The following MCF2L2 variants were observed in gnomAD, a reference collection of about 807,000 sequenced individuals.
MCF2L2 encodes MCF.2 cell line derived transforming sequence-like 2.
Under a neutral mutation model 150.2 loss-of-function variants are expected in MCF2L2, and 102 were observed. That is an observed-to-expected ratio of 0.68 (90% confidence interval 0.58 to 0.80). The LOEUF (loss-of-function observed/expected upper bound fraction) is 0.80. Among genes scored for constraint, MCF2L2 ranks in the 30% least tolerant of loss-of-function variants. The pLI is 0.00. For missense variants in MCF2L2, 1,256 were observed against 1,372.8 expected, an observed-to-expected ratio of 0.91 and a Z score of 1.34; for synonymous variants, 465 against 491.3, an observed-to-expected ratio of 0.95 and a Z score of 0.71.
chr3:183,267,878 G>A lies in MCF2L2; in HGVS notation c.1862+8994C>T, dbSNP rs1402468994. Among the ~76,000 whole-genome samples the A allele has an allele frequency of 1.3e-5, 2 of 152,170 alleles. No individual in the cohort carries two copies. The highest frequency in any genetic ancestry group is 2.4e-5 in the African/African-American group (1 of 41,436). ...CAGTAACCATCACTTTGAGTAAACA[G>A]TGGCTCCACCCCCGGCATGGTTCTT... On this transcript the variant is annotated intron_variant, in intron 15 of 29. Coordinates refer to ENST00000328913, the MANE Select transcript of MCF2L2 (RefSeq NM_015078.4). The surrounding 1 kb of genome is among the most constrained non-coding windows in gnomAD (Gnocchi z 5.5).
chr3:183,186,082 T>C (rs895734757), intron 27 of MCF2L2, among the ~76,000 whole-genome samples: 4 of 152,018 alleles, frequency 2.6e-5, no homozygotes, highest in Non-Finnish European at 5.9e-5. Context: ...TGCCCTCAAA[T>C]GTTCTGGATT....
intron 20 of MCF2L2, among the ~76,000 whole-genome samples, chr3:183,220,874 A>G (rs913884989): frequency 6.6e-5 from 10 of 152,350 alleles, no homozygotes; most frequent in African/African-American, 2.4e-4. Flanking sequence ...CCAAGAGCAC[A>G]TGATTCATTA....
intron 10 of MCF2L2, among the ~76,000 whole-genome samples, chr3:183,304,914 G>A (rs750897027): frequency 1.3e-5 from 2 of 152,128 alleles, no homozygotes; most frequent in African/African-American, 2.4e-5. Flanking sequence ...CTCAGCTACC[G>A]CAGACTGAAC....
intron 7 of MCF2L2, 67 bp downstream of exon 7, chr3:183,318,001 T>C: frequency 6.4e-7 from 1 of 1,566,156 alleles, no homozygotes; most frequent in Non-Finnish European, 8.7e-7. Flanking sequence ...TGCTTCCAGC[T>C]CTCTCCGAGA....
At chr3:183,346,199 T>G (rs926097468) in intron 3 of MCF2L2, among the ~76,000 whole-genome samples, 2 of 152,156 alleles carry the variant, frequency 1.3e-5, no homozygotes. Flanking sequence ...GAATCCAGCA[T>G]CACATCAAAA....
At chr3:183,221,588 G>A (rs1224313334) in intron 20 of MCF2L2, among the ~76,000 whole-genome samples, 2 of 152,142 alleles carry the variant, frequency 1.3e-5, no homozygotes, top group East Asian at 1.9e-4. Flanking sequence ...TGGAACCTAG[G>A]CTGAGGGAGG....
intron 22 of MCF2L2, among the ~76,000 whole-genome samples, chr3:183,208,651 T>C (rs1167340265): frequency 1.3e-5 from 2 of 152,206 alleles, no homozygotes; most frequent in Non-Finnish European, 2.9e-5. Flanking sequence ...TTAAAGCAGA[T>C]AAGAATTCAT....
intron 21 of MCF2L2, among the ~76,000 whole-genome samples, chr3:183,216,590 T>A (rs1390735330): frequency 3.9e-3 from 12 of 3,062 alleles, no homozygotes; most frequent in East Asian, 0.042. Context: ...ATTTTTTTTT[T>A]TTTTTTTTTT....
chr3:183,409,517 C>T (rs1439668823), intron 1 of MCF2L2, among the ~76,000 whole-genome samples: 1 of 149,954 alleles, frequency 6.7e-6, no homozygotes, highest in African/African-American at 2.5e-5. Context: ...ACTTGTGACA[C>T]TAAAAGGCAG....
chr3:183,272,892 A>T (rs894344221), intron 15 of MCF2L2: 2 of 1,322,358 alleles, frequency 1.5e-6, no homozygotes, highest in Admixed American at 4.0e-5. Context: ...TTGTGAAACA[A>T]TTATTTATTT....
intron 7 of MCF2L2, among the ~76,000 whole-genome samples, chr3:183,312,603 A>G (rs1729432072): frequency 6.6e-6 from 1 of 152,198 alleles, no homozygotes; most frequent in African/African-American, 2.4e-5. Context: ...CATACTTCTA[A>G]AACAAATCAA....
intron 25 of MCF2L2, among the ~76,000 whole-genome samples, chr3:183,198,435 AG>A (rs151125468): frequency 0.025 from 3,774 of 152,154 alleles, 141 homozygotes; most frequent in African/African-American, 0.086. Context: ...TGGGTGAGGG[AG>A]GGGCAGGAGA....
chr3:183,413,349 T>C (rs1417971182), intron 1 of MCF2L2, among the ~76,000 whole-genome samples: 1 of 152,190 alleles, frequency 6.6e-6, no homozygotes, highest in Non-Finnish European at 1.5e-5. Flanking sequence ...ATAATAAAAC[T>C]AGGGAAAAGA....
chr3:183,190,454 G>A (rs911889044), intron 27 of MCF2L2, among the ~76,000 whole-genome samples: 2 of 152,226 alleles, frequency 1.3e-5, no homozygotes, highest in South Asian at 2.1e-4. Flanking sequence ...ATTGAAAAAC[G>A]GCTTTCAGAT....
Position 183,341,520 on chromosome 3 carries a change from G to A in MCF2L2, c.366+20C>T. 1 of 1,559,456 alleles carries A rather than the reference G, an allele frequency of 6.4e-7. No homozygotes were observed. The highest frequency in any genetic ancestry group is 8.8e-7 in the Non-Finnish European group (1 of 1,130,552). On this transcript the variant is annotated intron_variant, in intron 4 of 29. Coordinates refer to ENST00000328913, the MANE Select transcript of MCF2L2 (RefSeq NM_015078.4). ...AATTTAAATGACTTTTATAATAAAA[G>A]CACAAAAATAAATATTTACAGCTAT...
At chr3:183,303,683 A>G (rs917556986) in intron 10 of MCF2L2, among the ~76,000 whole-genome samples, 2 of 152,074 alleles carry the variant, frequency 1.3e-5, no homozygotes, top group Admixed American at 6.5e-5. Context: ...CTCAGGCCTC[A>G]TGGCTTCTCA....
rs537306344 is a variant in MCF2L2, at chr3:183,227,692, G to C, written c.2115+605C>G. The C allele has an allele frequency of 6.6e-6, 1 of 152,296 alleles. No individual in the cohort carries two copies. Among genetic ancestry groups the C allele is most frequent in the African/African-American group, 2.4e-5 (1 of 41,548 alleles). The allele number at this position is 152,296 out of a possible 1,614,324, so 9.4% of individuals were successfully genotyped here. ...TTCATGGGGCTTTGCAGGAAGCCAG[G>C]CTTGCGGTTACTCCCACATATCAGT... On this transcript the variant is annotated intron_variant, in intron 18 of 29. Coordinates refer to ENST00000328913, the MANE Select transcript of MCF2L2 (RefSeq NM_015078.4). This position sits in a 1 kb window ranked among gnomAD's most constrained non-coding sequence, Gnocchi z 4.0.
intron 3 of MCF2L2, among the ~76,000 whole-genome samples, chr3:183,357,534 G>A (rs570080039): frequency 4.5e-4 from 68 of 152,212 alleles, no homozygotes; most frequent in African/African-American, 1.6e-3. Flanking sequence ...ACCAAAAGTG[G>A]AAAAACCCAA....
At chr3:183,393,804 A>G (rs1250226849) in intron 1 of MCF2L2, among the ~76,000 whole-genome samples, 1 of 152,226 alleles carries the variant, frequency 6.6e-6, no homozygotes, top group Non-Finnish European at 1.5e-5. Context: ...AGAGAGCAGC[A>G]TGCGCTCTGG....
Sources: allele counts gnomAD v4.1 joint callset (sites outside exome capture counted in the v4.1 genomes callset), GRCh38; gene constraint gnomAD v4.1.1; non-coding constraint Gnocchi (gnomAD v3.1); transcripts MANE v1.5; gene names NCBI Gene and HGNC (gene_info 2026-07-23, HGNC 2026-07-21).